Variants in SLC13A1 observed in about 807,000 individuals in gnomAD.
The protein encoded by SLC13A1 is solute carrier family 13 member 1.
In SLC13A1, 65 loss-of-function variants were observed where a neutral mutation model predicts 70.0. The ratio of observed to expected loss-of-function variants is 0.93; its 90% CI spans 0.76 to 1.14. The LOEUF (loss-of-function observed/expected upper bound fraction) is 1.14, where lower values mean the gene tolerates loss of function less well. SLC13A1 is among the 50% of genes most tolerant of loss of function. The pLI, the probability that SLC13A1 is intolerant of heterozygous loss-of-function variation, is 0.00. For missense variants in SLC13A1, 726 were observed against 717.8 expected (o/e 1.01, Z -0.13); for synonymous variants, 275 against 250.5 (o/e 1.10, Z -0.92).
At chr7:123,135,433 TA>T (rs1793919726) in intron 7 of SLC13A1, among the ~76,000 whole-genome samples, 1 of 151,978 alleles carries the variant, frequency 6.6e-6, no homozygotes, top group Admixed American at 6.6e-5. Flanking sequence ...CTAAAAGCAA[TA>T]ACATAAAGAT....
Position 123,117,585 on chromosome 7 carries a change from A to C in SLC13A1, c.1536T>G (p.Pro512=). Residue 512 remains proline, a synonymous_variant, in exon 14 of 15, where the codon CCT becomes CCG. Coordinates refer to ENST00000194130, the MANE Select transcript of SLC13A1 (RefSeq NM_022444.4). ...GAGTAGAAGGTATCAGAATATAAAGAGGGTTCACATGAATGGCTTCGGCCT... is the reference window on the plus strand; with the variant it reads ...GAGTAGAAGGTATCAGAATATAAAGCGGGTTCACATGAATGGCTTCGGCCT... The part of the protein sequence containing the change: ...SPLAEAIHVN[P]LYILIPSTLC... The C allele has an allele frequency of 6.2e-7, 1 of 1,609,968 alleles. No individual in the cohort carries two copies. Among genetic ancestry groups the C allele is most frequent in the Non-Finnish European group, 8.5e-7 (1 of 1,177,252 alleles).
intron 7 of SLC13A1, among the ~76,000 whole-genome samples, chr7:123,136,426 T>C (rs1306873422): frequency 1.3e-5 from 2 of 152,192 alleles, no homozygotes; most frequent in African/African-American, 2.4e-5. Flanking sequence ...TAAAGAAATA[T>C]ATGGCATACT....
intron 6 of SLC13A1, chr7:123,148,539 G>A (rs889602033): frequency 3.2e-5 from 14 of 442,578 alleles, no homozygotes; most frequent in Admixed American, 2.3e-4. Context: ...CCATGACCCT[G>A]TAAACACCCT....
At chr7:123,168,289 G>A in intron 6 of SLC13A1, 85 bp downstream of exon 6, 1 of 821,642 alleles carries the variant, frequency 1.2e-6, no homozygotes, top group African/African-American at 1.8e-5. Context: ...GAAGCAAGTG[G>A]CAGGTTTTAA....
chr7:123,154,100 T>C (rs747623214), intron 6 of SLC13A1, among the ~76,000 whole-genome samples: 8 of 152,096 alleles, frequency 5.3e-5, no homozygotes, highest in Admixed American at 1.3e-4. Context: ...GTCTCAAGTG[T>C]GACCCAGCTG....
chr7:123,143,567 T>G (rs1006217044), intron 7 of SLC13A1, among the ~76,000 whole-genome samples: 1 of 152,166 alleles, frequency 6.6e-6, no homozygotes, highest in Admixed American at 6.5e-5. Flanking sequence ...AGCACAAGAA[T>G]GCTCTCTGCA....
At chr7:123,176,047 G>T (rs1189920088) in intron 2 of SLC13A1, among the ~76,000 whole-genome samples, 1 of 152,182 alleles carries the variant, frequency 6.6e-6, no homozygotes, top group Non-Finnish European at 1.5e-5. Flanking sequence ...GAATGACTAT[G>T]GATTTGTCCT....
intron 1 of SLC13A1, among the ~76,000 whole-genome samples, chr7:123,197,676 T>C (rs553053773): frequency 1.3e-5 from 2 of 152,244 alleles, no homozygotes; most frequent in African/African-American, 4.8e-5. Context: ...ACAAATGAGT[T>C]GATTAGGAGG....
chr7:123,179,685 C>T (rs1468130982), intron 2 of SLC13A1, among the ~76,000 whole-genome samples: 2 of 152,266 alleles, frequency 1.3e-5, no homozygotes, highest in Non-Finnish European at 2.9e-5. Context: ...ATGTCCCTTC[C>T]CATAACAGCT....
At chr7:123,128,500 G>A (rs1793641055) in intron 10 of SLC13A1, among the ~76,000 whole-genome samples, 1 of 141,084 alleles carries the variant, frequency 7.1e-6, no homozygotes, top group African/African-American at 3.2e-5. Context: ...GTGTGGCTCT[G>A]AAATCTATGC....
chr7:123,186,009 G>A (rs1227193757), intron 1 of SLC13A1, among the ~76,000 whole-genome samples: 1 of 151,722 alleles, frequency 6.6e-6, no homozygotes, highest in Non-Finnish European at 1.5e-5. Context: ...TTTCTTGGTC[G>A]TGCTTGGGTA....
chr7:123,125,473 A>G (rs1381231315), intron 11 of SLC13A1, 96 bp downstream of exon 11: 7 of 839,150 alleles, frequency 8.3e-6, no homozygotes, highest in Non-Finnish European at 1.4e-5. Flanking sequence ...GCCAGCATAG[A>G]CTTTCTTTCT....
intron 12 of SLC13A1, 52 bp downstream of exon 12, chr7:123,123,074 T>G: frequency 7.5e-7 from 1 of 1,339,190 alleles, no homozygotes; most frequent in Non-Finnish European, 1.1e-6. Context: ...CTCTGTGCTC[T>G]TCTTTTGAAC....
At chr7:123,171,591 TC>T (rs1351346768) in intron 3 of SLC13A1, among the ~76,000 whole-genome samples, 176 bp downstream of exon 3, 2 of 152,178 alleles carry the variant, frequency 1.3e-5, no homozygotes, top group Admixed American at 6.5e-5. Context: ...TGTTTTTTTT[TC>T]CTCCTACAAC....
chr7:123,181,404 A>T (rs1795635559), intron 1 of SLC13A1, among the ~76,000 whole-genome samples: 1 of 152,076 alleles, frequency 6.6e-6, no homozygotes, highest in Admixed American at 6.6e-5. Context: ...AGATGTTTCT[A>T]CTCACTTTCC....
intron 6 of SLC13A1, among the ~76,000 whole-genome samples, chr7:123,164,332 G>A (rs1019067711): frequency 6.6e-6 from 1 of 151,830 alleles, no homozygotes; most frequent in Admixed American, 6.6e-5. Context: ...ATGGATCAGT[G>A]TATGTTATTG....
intron 11 of SLC13A1, among the ~76,000 whole-genome samples, chr7:123,124,560 A>G (rs1051159824): frequency 6.6e-6 from 1 of 152,196 alleles, no homozygotes; most frequent in Admixed American, 6.5e-5. Context: ...CCACAAGTCT[A>G]CTAGTTAATT....
chr7:123,198,938 T>TTTCTTCATTTCA (rs1796267103), intron 1 of SLC13A1, among the ~76,000 whole-genome samples: 1 of 152,070 alleles, frequency 6.6e-6, no homozygotes, highest in Non-Finnish European at 1.5e-5. Flanking sequence ...TTGAAGAGTG[T>TTTCTTCATTTCA]TTCTTCATTT....
At chr7:123,127,411 T>C (rs1036741422) in intron 10 of SLC13A1, among the ~76,000 whole-genome samples, 3 of 152,138 alleles carry the variant, frequency 2.0e-5, no homozygotes, top group African/African-American at 7.2e-5. Flanking sequence ...TCTGATTTCA[T>C]TTAATTCTTA....
Sources: gnomAD v4.1 joint callset for allele counts (sites outside exome capture counted in the v4.1 genomes callset) on GRCh38, gnomAD v4.1.1 for gene constraint, MANE v1.5 for transcripts, NCBI Gene and HGNC (gene_info 2026-07-23, HGNC 2026-07-21) for gene names.